The following GMDS variants were observed in gnomAD, a reference collection of about 807,000 sequenced individuals.
GMDS encodes the protein GDP-mannose 4,6 dehydratase.
A neutral mutation model predicts 49.9 loss-of-function variants in GMDS; 20 were observed. That is an observed-to-expected ratio of 0.40 (90% CI 0.28 to 0.58). GMDS has a LOEUF of 0.58. Among genes scored for constraint, GMDS ranks in the 20% least tolerant of loss-of-function variants. GMDS has a pLI of 0.42. For missense variants in GMDS, 362 were observed against 481.4 expected (o/e 0.75, Z 2.32); for synonymous variants, 177 against 178.6 (o/e 0.99, Z 0.07).
chr6:2,153,890 C>A (rs1313918373), intron 1 of GMDS, among the ~76,000 whole-genome samples: 3 of 152,054 alleles, frequency 2.0e-5, no homozygotes. Context: ...ATAACGTTTA[C>A]AGAAATTTGT....
chr6:1,817,280 CT>C (rs1770712216), intron 7 of GMDS, among the ~76,000 whole-genome samples: 1 of 152,000 alleles, frequency 6.6e-6, no homozygotes, highest in Non-Finnish European at 1.5e-5. Flanking sequence ...CCAAAATAGA[CT>C]TCCTTAATGA....
intron 7 of GMDS, among the ~76,000 whole-genome samples, chr6:1,903,426 A>T (rs1760601071): frequency 6.6e-6 from 1 of 152,216 alleles, no homozygotes; most frequent in East Asian, 1.9e-4. Flanking sequence ...GAACTAAAGG[A>T]AGACCTGGAT....
chr6:1,735,360 G>A (rs1766965310), intron 8 of GMDS, among the ~76,000 whole-genome samples: 1 of 152,222 alleles, frequency 6.6e-6, no homozygotes, highest in Non-Finnish European at 1.5e-5. Flanking sequence ...TCCTTAAGGA[G>A]CCTGCAGTCT....
chr6:2,240,440 C>G (rs1781560760), intron 1 of GMDS, among the ~76,000 whole-genome samples: 1 of 151,934 alleles, frequency 6.6e-6, no homozygotes, highest in African/African-American at 2.4e-5. Flanking sequence ...TACCCAAAGC[C>G]AGTGCAGTTC....
At chr6:1,906,974 C>T (rs1346204542) in intron 7 of GMDS, among the ~76,000 whole-genome samples, 1 of 152,190 alleles carries the variant, frequency 6.6e-6, no homozygotes, top group Non-Finnish European at 1.5e-5. Flanking sequence ...GGGTGGATGG[C>T]ACATGTTCCT....
At chr6:1,963,045 T>C (rs1010373118) in intron 4 of GMDS, among the ~76,000 whole-genome samples, 7 of 151,670 alleles carry the variant, frequency 4.6e-5, no homozygotes, top group Admixed American at 4.6e-4. Flanking sequence ...CCCAGCTAAT[T>C]TTTGTATTCT....
intron 7 of GMDS, among the ~76,000 whole-genome samples, chr6:1,904,234 G>A (rs1760642476): frequency 1.3e-5 from 2 of 152,136 alleles, no homozygotes; most frequent in African/African-American, 4.8e-5. Flanking sequence ...TCACAGAGGA[G>A]AGAAAATGGC....
intron 7 of GMDS, among the ~76,000 whole-genome samples, chr6:1,882,316 A>G (rs1463812617): frequency 1.3e-5 from 2 of 152,236 alleles, no homozygotes; most frequent in East Asian, 1.9e-4. Context: ...AAATGGATAT[A>G]TAATATTGCT....
intron 1 of GMDS, 102 bp downstream of exon 1, chr6:2,245,219 A>T (rs919941320): frequency 6.3e-6 from 5 of 795,654 alleles, no homozygotes; most frequent in Non-Finnish European, 1.0e-5. Flanking sequence ...GGACGCCGAG[A>T]GGGCTGTTCC....
At chr6:1,871,109 C>G (rs1758720544) in intron 7 of GMDS, among the ~76,000 whole-genome samples, 1 of 151,882 alleles carries the variant, frequency 6.6e-6, no homozygotes. Flanking sequence ...TCTAATTACT[C>G]TGAACATCCA....
intron 1 of GMDS, among the ~76,000 whole-genome samples, chr6:2,232,572 T>C (rs1327176587): frequency 1.3e-5 from 2 of 152,200 alleles, no homozygotes; most frequent in Admixed American, 1.3e-4. Flanking sequence ...TCATTTTCTA[T>C]CTTCGTTCAG....
rs186095552 is a variant in GMDS at position 1,950,560 on chromosome 6, C to T, written c.643+9307G>A. On this transcript the variant is annotated intron_variant, in intron 6 of 10. Transcript: ENST00000380815. ...GCAGCAGACCATAATACTTAAGGCC[C>T]TGGAGCTATTTGAATCCGAATGTTT... 4.0e-3 allele frequency among the ~76,000 whole-genome samples: 603 copies of T among 152,254 alleles called. 2 individuals carry two copies. Among genetic ancestry groups the T allele is most frequent in the Non-Finnish European group, 5.5e-3 (376 of 68,020 alleles).
chr6:1,699,783 C>T (rs1411642926), intron 9 of GMDS, among the ~76,000 whole-genome samples: 4 of 152,034 alleles, frequency 2.6e-5, no homozygotes, highest in Admixed American at 6.5e-5. Context: ...GACATAGCCA[C>T]GTATTCTAGA....
intron 7 of GMDS, among the ~76,000 whole-genome samples, chr6:1,877,470 T>C (rs1759130055): frequency 6.6e-6 from 1 of 151,780 alleles, no homozygotes; most frequent in South Asian, 2.1e-4. Context: ...CAAGATCCTA[T>C]GTCTACAAAA....
chr6:1,994,026 C>A (rs922432776), intron 4 of GMDS, among the ~76,000 whole-genome samples: 1 of 152,200 alleles, frequency 6.6e-6, no homozygotes, highest in Non-Finnish European at 1.5e-5. Context: ...TGTTCCATTA[C>A]AGCAACTGCT....
intron 7 of GMDS, among the ~76,000 whole-genome samples, chr6:1,848,987 TAG>T (rs2113761563): frequency 6.6e-6 from 1 of 152,258 alleles, no homozygotes; most frequent in East Asian, 1.9e-4. Flanking sequence ...CCTCAACCAC[TAG>T]ATGACAGTGG....
chr6:1,823,236 A>G (rs1770970383), intron 7 of GMDS, among the ~76,000 whole-genome samples: 1 of 152,222 alleles, frequency 6.6e-6, no homozygotes, highest in Admixed American at 6.5e-5. Flanking sequence ...GTTACTACTA[A>G]TTGCTTATTT....
chr6:1,803,526 G>C (rs1009826028), intron 7 of GMDS, among the ~76,000 whole-genome samples: 1 of 151,974 alleles, frequency 6.6e-6, no homozygotes, highest in African/African-American at 2.4e-5. Context: ...TATGGCAAAA[G>C]GTGGAGGCTC....
At chr6:2,000,841 A>C (rs1317733376) in intron 4 of GMDS, among the ~76,000 whole-genome samples, 1 of 152,202 alleles carries the variant, frequency 6.6e-6, no homozygotes, top group Non-Finnish European at 1.5e-5. Context: ...TTCCTTTCTA[A>C]GAAATACTAT....
Sources: allele counts gnomAD v4.1 joint callset (sites outside exome capture counted in the v4.1 genomes callset), GRCh38; gene constraint gnomAD v4.1.1; transcripts MANE v1.5; gene names NCBI Gene and HGNC (gene_info 2026-07-23, HGNC 2026-07-21).